The following MYO1D variants were observed in gnomAD, a reference collection of about 807,000 sequenced individuals.
MYO1D encodes unconventional myosin-Id.
In MYO1D, 83 loss-of-function variants were observed where a neutral mutation model predicts 122.0. That is an observed-to-expected ratio of 0.68 (90% CI 0.57 to 0.82). MYO1D has a LOEUF of 0.82. Ranked by LOEUF, MYO1D falls within the 40% of genes least tolerant of loss-of-function variation. MYO1D has a pLI of 0.00. For synonymous variants in MYO1D, 464 were observed against 446.9 expected, an observed-to-expected ratio of 1.04 and a Z score of -0.48; for missense variants, 1,157 against 1,269.5, an observed-to-expected ratio of 0.91 and a Z score of 1.35.
At chr17:32,617,234 G>A (rs1036877724) in intron 20 of MYO1D, among the ~76,000 whole-genome samples, 4 of 152,120 alleles carry the variant, frequency 2.6e-5, no homozygotes, top group African/African-American at 4.8e-5. Context: ...ACCATGTTGT[G>A]AGGAAGCCAA....
chr17:32,522,902 C>T (rs999613643), intron 21 of MYO1D, among the ~76,000 whole-genome samples: 9 of 150,926 alleles, frequency 6.0e-5, no homozygotes, highest in East Asian at 1.9e-4. Flanking sequence ...CTGCAAGCTC[C>T]GCCTCCTGGG....
At chr17:32,821,608 G>A (rs2090665950) in intron 1 of MYO1D, among the ~76,000 whole-genome samples, 1 of 151,592 alleles carries the variant, frequency 6.6e-6, no homozygotes, top group African/African-American at 2.4e-5. Context: ...GGGAGATCTA[G>A]TCCTATATTT....
chr17:32,762,426 C>T (rs1753818593), intron 8 of MYO1D, among the ~76,000 whole-genome samples: 1 of 152,080 alleles, frequency 6.6e-6, no homozygotes, highest in African/African-American at 2.4e-5. Context: ...TCAAATCATC[C>T]TCCTCTCCCC....
chr17:32,755,079 C>T (rs1379196247), intron 11 of MYO1D, among the ~76,000 whole-genome samples: 1 of 152,334 alleles, frequency 6.6e-6, no homozygotes, highest in African/African-American at 2.4e-5. Context: ...GAGTGCACAA[C>T]ACATTTTGTT....
intron 21 of MYO1D, among the ~76,000 whole-genome samples, chr17:32,588,871 A>T (rs769486412): frequency 5.3e-5 from 8 of 151,980 alleles, no homozygotes; most frequent in African/African-American, 9.7e-5. Flanking sequence ...TGAACTCAGG[A>T]GGTGGAGGGT....
Position 32,494,626 on chromosome 17 carries a change from T to C in MYO1D, c.*133A>G. ...AAGGCAGAAAACCAGGAAGGAAATC[T>C]TACAGGGGCGGGGCTCCTCTGGGAG... is the stretch of plus-strand genomic sequence containing the variant. On this transcript the variant is annotated 3_prime_UTR_variant, in exon 22 of 22. Transcript: ENST00000318217. The C allele has an allele frequency of 9.3e-7, 1 of 1,078,164 alleles. No homozygotes were observed. The highest frequency in any genetic ancestry group is 1.3e-6 in the Non-Finnish European group (1 of 773,364). 66.8% of individuals were successfully genotyped at this position (1,078,164 alleles called of 1,614,324 possible). A position where few individuals can be genotyped will look rare whatever the true frequency, so the allele number is the denominator to read the frequency against.
Position 32,560,959 on chromosome 17 carries a change from TG to T in MYO1D, c.2864+44127del, listed in dbSNP as rs1160624880. Among the ~76,000 whole-genome samples, 3 of 149,546 alleles carry T rather than the reference TG, an allele frequency of 2.0e-5. No individual in the cohort carries two copies. The Admixed American group carries it at 2.0e-4, about 10-fold the overall frequency. On this transcript the variant is annotated intron_variant, in intron 21 of 21. Transcript: ENST00000318217. ...AGAGTCTTGCTCTTGCTGCCCAGGC[TG>T]GAGTGCAATGGTGTGATCTCGATTC...
At chr17:32,561,060 T>C (rs755346530) in intron 21 of MYO1D, among the ~76,000 whole-genome samples, 34 of 151,688 alleles carry the variant, frequency 2.2e-4, no homozygotes, top group Non-Finnish European at 4.4e-4. Context: ...TACAGGCACC[T>C]GCCACCACGC....
At chr17:32,745,532 T>C in intron 12 of MYO1D, 1 of 354,476 alleles carries the variant, frequency 2.8e-6, no homozygotes, top group East Asian at 6.1e-5. Context: ...CTCAAGAAGA[T>C]GACTTTTTAA....
intron 1 of MYO1D, among the ~76,000 whole-genome samples, chr17:32,783,087 T>C (rs2090257158): frequency 6.6e-6 from 1 of 151,884 alleles, no homozygotes; most frequent in Non-Finnish European, 1.5e-5. Context: ...TTGCAGTACA[T>C]GCTCAAGTAT....
chr17:32,640,825 T>C (rs1025103403), intron 19 of MYO1D, among the ~76,000 whole-genome samples: 2 of 152,028 alleles, frequency 1.3e-5, no homozygotes, highest in Non-Finnish European at 2.9e-5. Context: ...TAAGGGTCCA[T>C]GGACAAGTTG....
intron 20 of MYO1D, among the ~76,000 whole-genome samples, chr17:32,618,053 T>C (rs573855394): frequency 4.1e-4 from 62 of 152,334 alleles, no homozygotes; most frequent in African/African-American, 1.4e-3. Context: ...TCTTCAGGGC[T>C]ACTAGGCTCT....
intron 21 of MYO1D, among the ~76,000 whole-genome samples, chr17:32,597,881 A>AG (rs1230327882): frequency 1.3e-5 from 2 of 150,924 alleles, no homozygotes; most frequent in Admixed American, 6.6e-5. Context: ...AAAAAAAAAA[A>AG]AAAAAAAAAA....
At chr17:32,862,221 A>C (rs149963689) in intron 1 of MYO1D, among the ~76,000 whole-genome samples, 62 of 150,870 alleles carry the variant, frequency 4.1e-4, no homozygotes, top group African/African-American at 1.1e-3. Context: ...CTATGGGGGA[A>C]CTCTGCTCTT....
At chr17:32,839,771 C>T (rs919620480) in intron 1 of MYO1D, among the ~76,000 whole-genome samples, 1 of 152,116 alleles carries the variant, frequency 6.6e-6, no homozygotes, top group African/African-American at 2.4e-5. Context: ...ATTTTTAATG[C>T]ATTTTTTCCA....
intron 14 of MYO1D, among the ~76,000 whole-genome samples, chr17:32,731,964 C>T (rs1044421702): frequency 1.2e-4 from 18 of 152,232 alleles, no homozygotes; most frequent in African/African-American, 4.3e-4. Flanking sequence ...CTGGCCTCTC[C>T]CTGGTCTTGG....
chr17:32,653,712 G>T, intron 19 of MYO1D, 131 bp downstream of exon 19: 1 of 683,604 alleles, frequency 1.5e-6, no homozygotes, highest in Non-Finnish European at 2.5e-6. Context: ...CCTCAGCACA[G>T]ACAGGTCTAG....
chr17:32,698,881 A>G (rs943567023), intron 16 of MYO1D, among the ~76,000 whole-genome samples: 2 of 152,238 alleles, frequency 1.3e-5, no homozygotes, highest in African/African-American at 2.4e-5. Context: ...ACAAATAAAT[A>G]TAAGAACATA....
At chr17:32,657,931 G>A (rs1339806924) in intron 17 of MYO1D, among the ~76,000 whole-genome samples, 1 of 152,076 alleles carries the variant, frequency 6.6e-6, no homozygotes, top group Non-Finnish European at 1.5e-5. Flanking sequence ...AGATCTTCAA[G>A]ACTTATTTTT....
Sources: gnomAD v4.1 joint callset for allele counts (sites outside exome capture counted in the v4.1 genomes callset) on GRCh38, gnomAD v4.1.1 for gene constraint, MANE v1.5 for transcripts, NCBI Gene and HGNC (gene_info 2026-07-23, HGNC 2026-07-21) for gene names.